The following UBAP2 variants were observed in gnomAD, a reference collection of about 807,000 sequenced individuals.
UBAP2 encodes the protein ubiquitin associated protein 2.
A neutral mutation model predicts 139.6 loss-of-function variants in UBAP2; 75 were observed. That is an observed-to-expected ratio of 0.54 (90% CI 0.45 to 0.65). The LOEUF (loss-of-function observed/expected upper bound fraction) is 0.65, where lower values mean the gene tolerates loss of function less well. Among genes scored for constraint, UBAP2 ranks in the 30% least tolerant of loss-of-function variants. The probability of loss-of-function intolerance (pLI) is 0.00; values close to 1 mark genes in which losing one functional copy is unlikely to be tolerated. For missense variants in UBAP2, 1,368 were observed against 1,369.6 expected (o/e 1.00, Z 0.02); for synonymous variants, 526 against 526.2 (o/e 1.00, Z 0.01).
At chr9:34,001,692 C>A (rs1416962486) in intron 2 of UBAP2, among the ~76,000 whole-genome samples, 1 of 152,122 alleles carries the variant, frequency 6.6e-6, no homozygotes, top group Non-Finnish European at 1.5e-5. Flanking sequence ...CTGTTAGTGT[C>A]CCTGTTGCAA....
At chr9:34,005,350 G>A (rs547050864) in intron 2 of UBAP2, among the ~76,000 whole-genome samples, 9 of 147,050 alleles carry the variant, frequency 6.1e-5, no homozygotes, top group Middle Eastern at 3.8e-3. Context: ...TGTGAGAATC[G>A]CTTGAACCTG....
At chr9:33,929,035 T>C (rs577282615) in intron 19 of UBAP2, among the ~76,000 whole-genome samples, 6 of 152,148 alleles carry the variant, frequency 3.9e-5, no homozygotes, top group Non-Finnish European at 8.8e-5. Flanking sequence ...CCAAGGCGTC[T>C]TGTTCCTTCA....
intron 6 of UBAP2, among the ~76,000 whole-genome samples, chr9:33,977,421 C>T (rs1820241923): frequency 6.6e-6 from 1 of 152,140 alleles, no homozygotes; most frequent in Non-Finnish European, 1.5e-5. Context: ...GTTTCCTACT[C>T]ACCTGGTAGT....
chr9:34,003,219 C>T (rs536393221), intron 2 of UBAP2, among the ~76,000 whole-genome samples: 1 of 151,230 alleles, frequency 6.6e-6, no homozygotes, highest in Non-Finnish European at 1.5e-5. Context: ...TTGGTAGAGA[C>T]GGGGTTTCAC....
chr9:33,933,102 A>G (rs1254335858), intron 18 of UBAP2, among the ~76,000 whole-genome samples: 1 of 152,160 alleles, frequency 6.6e-6, no homozygotes. Flanking sequence ...TCGTTTCTTC[A>G]GCCATGGAAA....
intron 6 of UBAP2, among the ~76,000 whole-genome samples, chr9:33,977,622 A>G (rs1820267251): frequency 6.6e-6 from 1 of 151,706 alleles, no homozygotes; most frequent in Non-Finnish European, 1.5e-5. Flanking sequence ...TTTCCTCCTC[A>G]AGCCCTGGGA....
rs1474036625 is a variant in UBAP2, at chr9:33,921,884, C to CT, written c.*619dup. On this transcript the variant is annotated 3_prime_UTR_variant, in exon 29 of 29. Transcript: ENST00000379238. The stretch of plus-strand genomic sequence containing the variant: ...CATGGTCAGCCAGTCTCTAGTAAGT[C>CT]TCTAGGGACATGACCAGACCAGAAG... The CT allele has an allele frequency of 6.6e-6, 1 of 151,596 alleles. No homozygotes were observed. Among genetic ancestry groups the CT allele is most frequent in the Non-Finnish European group, 1.5e-5 (1 of 67,946 alleles). The allele number at this position is 151,596 out of a possible 1,614,324, so 9.4% of individuals were successfully genotyped here. A position where few individuals can be genotyped will look rare whatever the true frequency, so the allele number is the denominator to read the frequency against.
chr9:33,941,522 A>G, intron 16 of UBAP2, 127 bp downstream of exon 16: 1 of 801,572 alleles, frequency 1.2e-6, no homozygotes, highest in Admixed American at 2.4e-5. Context: ...AATGAACTAT[A>G]AGGATTCTAC....
intron 4 of UBAP2, among the ~76,000 whole-genome samples, chr9:33,990,426 C>T (rs1371007158): frequency 1.3e-5 from 2 of 152,020 alleles, no homozygotes; most frequent in Non-Finnish European, 1.5e-5. Context: ...TGGTCTTCTG[C>T]AAAGCTGTGA....
chr9:33,957,078 G>C lies in UBAP2; in HGVS notation c.799-932C>G, dbSNP rs1353355437. Among the ~76,000 whole-genome samples, 23 of 149,726 alleles carry C rather than the reference G, an allele frequency of 1.5e-4. No homozygotes were observed. The East Asian group carries it at 4.1e-3, about 27-fold the overall frequency. ...CACTCCAGCCTAGGGGACAAAGTGAGATCCTGCCTCAAAAAAAAAAAAAGA... is the reference window on the plus strand; with the variant it reads ...CACTCCAGCCTAGGGGACAAAGTGACATCCTGCCTCAAAAAAAAAAAAAGA... On this transcript the variant is annotated intron_variant, in intron 10 of 28. Transcript: ENST00000379238.
At chr9:34,046,693 C>T (rs1473530186) in intron 1 of UBAP2, among the ~76,000 whole-genome samples, 1 of 149,010 alleles carries the variant, frequency 6.7e-6, no homozygotes, top group African/African-American at 2.5e-5. Context: ...CTTCAGACCA[C>T]TCCAAACCTT....
chr9:33,927,540 G>A (rs1823555677), intron 20 of UBAP2, among the ~76,000 whole-genome samples: 1 of 152,154 alleles, frequency 6.6e-6, no homozygotes, highest in African/African-American at 2.4e-5. Flanking sequence ...GCCCCTCCAA[G>A]TCACAATGTC....
At chr9:33,938,534 C>T (rs1310831229) in intron 16 of UBAP2, among the ~76,000 whole-genome samples, 3 of 152,146 alleles carry the variant, frequency 2.0e-5, no homozygotes, top group Non-Finnish European at 2.9e-5. Context: ...TGGTGGCTCA[C>T]GCCTGTAATC....
chr9:34,013,298 C>T (rs1186823050), intron 2 of UBAP2, among the ~76,000 whole-genome samples: 1 of 152,106 alleles, frequency 6.6e-6, no homozygotes, highest in African/African-American at 2.4e-5. Flanking sequence ...GCCTGTAATC[C>T]CAGCACTTTG....
At chr9:34,004,304 C>T (rs1822982212) in intron 2 of UBAP2, among the ~76,000 whole-genome samples, 1 of 152,022 alleles carries the variant, frequency 6.6e-6, no homozygotes, top group East Asian at 1.9e-4. Context: ...ATTAAGACTG[C>T]AAAACCTCAT....
intron 2 of UBAP2, among the ~76,000 whole-genome samples, chr9:34,016,008 A>C (rs1289428799): frequency 1.3e-5 from 2 of 152,132 alleles, no homozygotes; most frequent in Non-Finnish European, 2.9e-5. Context: ...CAGGTATTTT[A>C]CTACTTCAGA....
chr9:33,993,252 T>C lies in UBAP2; in HGVS notation c.288+2971A>G, dbSNP rs1459036721. 2.6e-5 allele frequency among the ~76,000 whole-genome samples: 4 copies of C among 152,222 alleles called. No individual in the cohort carries two copies. In the East Asian group the frequency reaches 7.7e-4, roughly 29 times the overall value. On this transcript the variant is annotated intron_variant, in intron 4 of 28. Transcript: ENST00000379238. ...GGAAGGTTAGATAATAGGAAAAGAA[T>C]CGTTTGCCTTCATGCTCTTGCTCCT...
chr9:34,041,137 C>A (rs998859790), intron 1 of UBAP2, among the ~76,000 whole-genome samples: 1 of 151,980 alleles, frequency 6.6e-6, no homozygotes, highest in Non-Finnish European at 1.5e-5. Context: ...CACATCCTTA[C>A]AATGTAACCT....
At position 33,978,012 on chromosome 9, in the gene UBAP2, C is replaced by A. The variant is rs1587600519; in HGVS notation, c.521-4775G>T. On this transcript the variant is annotated intron_variant, in intron 6 of 28. Transcript: ENST00000379238. The stretch of plus-strand genomic sequence containing the variant: ...CCTGGGCGACAGAGCGAGACTCTGT[C>A]TTTTAAAAAAAAAAAAAAAAAAAAG... Among the ~76,000 whole-genome samples, 10 of 106,872 alleles carry A rather than the reference C, an allele frequency of 9.4e-5. 1 individual carries two copies. Among genetic ancestry groups the A allele is most frequent in the Admixed American group, 2.3e-4 (2 of 8,674 alleles). The allele number at this position is 106,872 out of a possible 152,430, so 70.1% of individuals were successfully genotyped here.
Sources: allele counts gnomAD v4.1 joint callset (sites outside exome capture counted in the v4.1 genomes callset), GRCh38; gene constraint gnomAD v4.1.1; transcripts MANE v1.5; gene names NCBI Gene and HGNC (gene_info 2026-07-23, HGNC 2026-07-21).